ROCK1: variants seen among roughly 807,000 people sequenced by gnomAD.
The protein encoded by ROCK1 is rho-associated protein kinase 1.
ROCK1 carries 36 observed loss-of-function variants against 196.8 expected under a neutral mutation model. That is an observed-to-expected ratio of 0.18 (90% CI 0.14 to 0.24). The LOEUF (loss-of-function observed/expected upper bound fraction) is 0.24, where lower values mean the gene tolerates loss of function less well. ROCK1 is among the 10% of genes least tolerant of loss of function. The probability of loss-of-function intolerance (pLI) is 1.00; values close to 1 mark genes in which losing one functional copy is unlikely to be tolerated. For missense variants in ROCK1, 920 were observed against 1,562.0 expected (o/e 0.59, Z 6.93); for synonymous variants, 443 against 515.9 (o/e 0.86, Z 1.91).
At chr18:21,001,072 C>T (rs977579106) in intron 16 of ROCK1, among the ~76,000 whole-genome samples, 2 of 152,126 alleles carry the variant, frequency 1.3e-5, no homozygotes, top group Non-Finnish European at 2.9e-5. Context: ...GTGGTAAATA[C>T]ATATAACAGA....
intron 8 of ROCK1, among the ~76,000 whole-genome samples, chr18:21,041,855 A>G (rs2036110028): frequency 6.6e-6 from 1 of 152,156 alleles, no homozygotes; most frequent in Non-Finnish European, 1.5e-5. Context: ...TTGAACAATA[A>G]AAGAAAAAAG....
chr18:21,049,935 C>T, intron 2 of ROCK1, 55 bp from the exon 3 acceptor site: 1 of 870,690 alleles, frequency 1.1e-6, no homozygotes, highest in South Asian at 1.7e-5. Context: ...ACAACTAGCA[C>T]TACTTATTTT....
chr18:21,070,670 T>C (rs2036376525), intron 1 of ROCK1, 57 bp from the exon 2 acceptor site: 1 of 1,098,808 alleles, frequency 9.1e-7, no homozygotes, highest in Admixed American at 2.5e-5. Flanking sequence ...CAGTCTCCTT[T>C]TTTATGAAAG....
chr18:21,012,520 T>C (rs1409460999), intron 13 of ROCK1, among the ~76,000 whole-genome samples: 1 of 152,192 alleles, frequency 6.6e-6, no homozygotes, highest in Non-Finnish European at 1.5e-5. Context: ...ACTTACACTG[T>C]TGTTTCCTTT....
At chr18:21,086,453 A>C (rs1253890377) in intron 1 of ROCK1, among the ~76,000 whole-genome samples, 1 of 152,164 alleles carries the variant, frequency 6.6e-6, no homozygotes, top group Non-Finnish European at 1.5e-5. Context: ...TTATTTTCTT[A>C]AAATTCTTAT....
chr18:21,002,898 A>G (rs929680457), intron 16 of ROCK1, among the ~76,000 whole-genome samples: 1 of 151,782 alleles, frequency 6.6e-6, no homozygotes. Flanking sequence ...ATGCCACCAT[A>G]CCTCGCTAAT....
chr18:21,080,599 A>G (rs2036474992), intron 1 of ROCK1, among the ~76,000 whole-genome samples: 1 of 152,198 alleles, frequency 6.6e-6, no homozygotes, highest in Admixed American at 6.5e-5. Context: ...TATGCTGCCC[A>G]TAAGGAACTC....
intron 5 of ROCK1, among the ~76,000 whole-genome samples, chr18:21,044,675 A>G (rs1419565407): frequency 6.6e-6 from 1 of 152,218 alleles, no homozygotes; most frequent in Non-Finnish European, 1.5e-5. Context: ...AAATTAAGTT[A>G]CATATTTAAA....
intron 9 of ROCK1, 134 bp downstream of exon 9, chr18:21,039,338 G>A (rs1431554045): frequency 1.5e-6 from 1 of 650,758 alleles, no homozygotes; most frequent in South Asian, 1.9e-5. Context: ...AATAGGTTAG[G>A]ACAATTCCCA....
At chr18:20,977,602 T>G (rs774695968) in intron 22 of ROCK1, among the ~76,000 whole-genome samples, 11 of 152,196 alleles carry the variant, frequency 7.2e-5, no homozygotes, top group Non-Finnish European at 1.0e-4. Context: ...TACTAATAAT[T>G]GGATAGCTGC....
chr18:21,109,976 C>T (rs2036735948), intron 1 of ROCK1, among the ~76,000 whole-genome samples: 1 of 151,826 alleles, frequency 6.6e-6, no homozygotes, highest in Admixed American at 6.6e-5. Context: ...ATTATATAAC[C>T]CTTAGTTGTT....
chr18:21,093,012 T>C (rs2036583636), intron 1 of ROCK1, among the ~76,000 whole-genome samples: 1 of 152,190 alleles, frequency 6.6e-6, no homozygotes. Context: ...TAATGTATCT[T>C]GGTATAAGCT....
Position 20,950,329 on chromosome 18 carries a change from A to G in ROCK1, c.*1055T>C, listed in dbSNP as rs1226068270. ...ATTTATGAAAGTCCAACAAACCTCTAAATATTTTAAATTAAACCAATTATC... is the reference window on the plus strand; with the variant it reads ...ATTTATGAAAGTCCAACAAACCTCTGAATATTTTAAATTAAACCAATTATC... On this transcript the variant is annotated 3_prime_UTR_variant, in exon 33 of 33. Coordinates refer to ENST00000399799, the MANE Select transcript of ROCK1 (RefSeq NM_005406.3). 1 of 152,606 alleles carries G rather than the reference A, an allele frequency of 6.6e-6. No homozygotes were observed. The highest frequency in any genetic ancestry group is 6.5e-5 in the Admixed American group (1 of 15,280). The allele number at this position is 152,606 out of a possible 1,614,324, so 9.5% of individuals were successfully genotyped here.
chr18:21,045,948 T>C (rs1372086600), intron 4 of ROCK1, among the ~76,000 whole-genome samples: 4 of 140,016 alleles, frequency 2.9e-5, no homozygotes, highest in Non-Finnish European at 6.1e-5. Context: ...TCTCGCTCTG[T>C]CGCCCAGGCT....
Position 20,947,697 on chromosome 18 carries a change from T to C in ROCK1, c.*3687A>G, listed in dbSNP as rs1278705100. ...ACCTAATGATCAACTTTAAAAATCATTTGTTTATTTAAAAAAACCATTTCC... is the reference window on the plus strand; with the variant it reads ...ACCTAATGATCAACTTTAAAAATCACTTGTTTATTTAAAAAAACCATTTCC... On this transcript the variant is annotated 3_prime_UTR_variant, in exon 33 of 33. Transcript: ENST00000399799. The C allele has an allele frequency of 7.0e-6, 1 of 142,114 alleles. No individual in the cohort carries two copies. The highest frequency in any genetic ancestry group is 6.8e-5 in the Admixed American group (1 of 14,632). 8.8% of individuals were successfully genotyped at this position (142,114 alleles called of 1,614,324 possible).
chr18:21,046,001 C>T (rs1390637928), intron 4 of ROCK1, among the ~76,000 whole-genome samples: 2 of 150,794 alleles, frequency 1.3e-5, no homozygotes, highest in Non-Finnish European at 2.9e-5. Context: ...AGCTCCGCCT[C>T]CCAGGTTCAC....
intron 1 of ROCK1, among the ~76,000 whole-genome samples, chr18:21,071,357 T>TTGTG (rs112005833): frequency 0.01 from 1,537 of 152,110 alleles, 20 homozygotes; most frequent in African/African-American, 0.036. Context: ...TTTCGTCTTT[T>TTGTG]TATAGACAGA....
chr18:21,033,854 TAAAAAAAAAAAAAAAAA>T (rs71269004), intron 9 of ROCK1, among the ~76,000 whole-genome samples: 3 of 33,464 alleles, frequency 9.0e-5, no homozygotes, highest in African/African-American at 3.2e-4. Context: ...CCGTTTCTAC[TAAAAAAAAAAAAAAAAA>T]AAAAAAAAAA....
chr18:20,954,054 G>C (rs2035217196), intron 31 of ROCK1, among the ~76,000 whole-genome samples: 2 of 149,560 alleles, frequency 1.3e-5, no homozygotes, highest in Non-Finnish European at 3.0e-5. Context: ...TCTGAAAATA[G>C]CTATGGTCTG....
Sources: allele counts gnomAD v4.1 joint callset (sites outside exome capture counted in the v4.1 genomes callset), GRCh38; gene constraint gnomAD v4.1.1; transcripts MANE v1.5; gene names NCBI Gene and HGNC (gene_info 2026-07-23, HGNC 2026-07-21).